DMD: variants seen among roughly 807,000 people sequenced by gnomAD.
The protein encoded by DMD is mutant dystrophin.
DMD carries 63 observed loss-of-function variants against 330.1 expected under a neutral mutation model. The ratio of observed to expected loss-of-function variants is 0.19; its 90% CI spans 0.16 to 0.24. The LOEUF is 0.24. Ranked by LOEUF, DMD falls within the 10% of genes least tolerant of loss-of-function variation. DMD has a pLI of 1.00. For synonymous variants in DMD, 1,223 were observed against 959.8 expected, an observed-to-expected ratio of 1.27 and a Z score of -5.07; for missense variants, 3,344 against 2,684.1, an observed-to-expected ratio of 1.25 and a Z score of -5.43.
chrX:32,530,971 TG>T (rs1353320048), intron 17 of DMD, among the ~76,000 whole-genome samples: 19 of 111,853 alleles, frequency 1.7e-4, no homozygotes, highest in Non-Finnish European at 3.4e-4. Flanking sequence ...AAGCTGCCTA[TG>T]TCCTTATGAT....
chrX:32,401,400 C>T (rs1306739809), intron 30 of DMD, among the ~76,000 whole-genome samples: 1 of 112,021 alleles, frequency 8.9e-6, no homozygotes, highest in Non-Finnish European at 1.9e-5. Context: ...GAATGACGTC[C>T]TGTCATTTGC....
At chrX:33,099,879 G>GATTTGTCAT (rs914510637) in intron 1 of DMD, among the ~76,000 whole-genome samples, 1 of 111,150 alleles carries the variant, frequency 9.0e-6, no homozygotes, top group Non-Finnish European at 1.9e-5. Flanking sequence ...CACACCTATT[G>GATTTGTCAT]ATTTGTCATA....
intron 2 of DMD, among the ~76,000 whole-genome samples, chrX:32,895,872 T>TGTGTGTGTA (rs1359656451): frequency 8.2e-5 from 8 of 97,384 alleles, no homozygotes; most frequent in African/African-American, 3.0e-4. Flanking sequence ...TGTGTGTGTG[T>TGTGTGTGTA]GTGTAGTGTA....
intron 2 of DMD, among the ~76,000 whole-genome samples, chrX:33,006,244 GT>G: frequency 9.0e-6 from 1 of 111,153 alleles, no homozygotes; most frequent in Admixed American, 9.6e-5. Flanking sequence ...TAGACAAACC[GT>G]TTCTAAAGTT....
At chrX:32,097,953 C>T (rs1415084767) in intron 44 of DMD, among the ~76,000 whole-genome samples, 2 of 111,135 alleles carry the variant, frequency 1.8e-5, no homozygotes. Flanking sequence ...AGGCTTTGCA[C>T]ATCTTCTTTA....
At chrX:32,973,364 T>G (rs182790343) in intron 2 of DMD, among the ~76,000 whole-genome samples, 26 of 112,481 alleles carry the variant, frequency 2.3e-4, no homozygotes, top group Non-Finnish European at 3.9e-4. Context: ...GTAGGGTCTA[T>G]GTCCTTTCCT....
chrX:32,618,668 T>C (rs1297448411), intron 11 of DMD, among the ~76,000 whole-genome samples: 1 of 111,328 alleles, frequency 9.0e-6, no homozygotes, highest in Non-Finnish European at 1.9e-5. Flanking sequence ...AAAGTTAAAA[T>C]ATAATAGTAA....
rs2041904329 is a variant in DMD at position 31,187,716 on chromosome X, T to TGA, written c.9808-4813_9808-4812insTC. Among the ~76,000 whole-genome samples the TGA allele has an allele frequency of 4.7e-4, 36 of 76,625 alleles. 2 individuals carry two copies. Among genetic ancestry groups the TGA allele is most frequent in the Admixed American group, 3.9e-3 (22 of 5,670 alleles). The allele number at this position is 76,625 out of a possible 115,157, so 66.5% of individuals were successfully genotyped here. ...TCAGCTCTGGAATCTTCCCAGATTC[T>TGA]CAGAGAGAGAGAGAGAGAGAGAGAG... On this transcript the variant is annotated intron_variant, in intron 67 of 78. Transcript: ENST00000357033.
At chrX:32,117,829 A>G (rs192638288) in intron 44 of DMD, among the ~76,000 whole-genome samples, 2 of 111,538 alleles carry the variant, frequency 1.8e-5, no homozygotes, top group Admixed American at 1.9e-4. Context: ...GATCTTCTAT[A>G]TGGACCTAGA....
At chrX:31,856,606 TAATAA>T (rs756375835) in intron 48 of DMD, among the ~76,000 whole-genome samples, 1 of 112,409 alleles carries the variant, frequency 8.9e-6, no homozygotes, top group South Asian at 3.6e-4. Flanking sequence ...ATACTAAAGA[TAATAA>T]AATAACAATA....
chrX:31,612,956 G>C (rs2078006049), intron 55 of DMD, among the ~76,000 whole-genome samples: 1 of 111,974 alleles, frequency 8.9e-6, no homozygotes, highest in Non-Finnish European at 1.9e-5. Flanking sequence ...TGTACACTTA[G>C]AGGCAAGGCC....
upstream of DMD, among the ~76,000 whole-genome samples, chrX:33,212,959 G>A (rs1358339579): frequency 9.0e-6 from 1 of 111,351 alleles, no homozygotes. Flanking sequence ...CAGAGTATAA[G>A]TGCCCTTTGT....
intron 62 of DMD, chrX:31,261,885 G>A (rs2050559233): frequency 8.9e-6 from 1 of 112,280 alleles, no homozygotes; most frequent in African/African-American, 3.2e-5. Context: ...GACAGGCTTT[G>A]ATACAGTAAA....
intron 1 of DMD, among the ~76,000 whole-genome samples, chrX:33,219,485 C>T (rs1388840740): frequency 3.1e-4 from 33 of 106,464 alleles, no homozygotes; most frequent in African/African-American, 1.1e-3. Context: ...AAAAAAAGAG[C>T]TTTAACTCAC....
In DMD at chrX:32,969,427, G is replaced by A. The variant is rs185345509; in HGVS notation, c.93+50712C>T. Among the ~76,000 whole-genome samples, 246 of 92,254 alleles carry A rather than the reference G, an allele frequency of 2.7e-3. 61 individuals are homozygous for A. Among genetic ancestry groups the A allele is most frequent in the African/African-American group, 0.012 (239 of 20,109 alleles). The allele number at this position is 92,254 out of a possible 115,157, so 80.1% of individuals were successfully genotyped here. A position where few individuals can be genotyped will look rare whatever the true frequency, so the allele number is the denominator to read the frequency against. ...AAAACATGTATGTACCACATACATA[G>A]ATAAAATATGCTACCACATACATAG... On this transcript the variant is annotated intron_variant, in intron 2 of 78. Transcript: ENST00000357033.
chrX:31,882,275 G>A (rs184649342), intron 47 of DMD, among the ~76,000 whole-genome samples: 1 of 111,678 alleles, frequency 9.0e-6, no homozygotes, highest in East Asian at 2.8e-4. Flanking sequence ...TAATTTATAC[G>A]ATGGTGTCAC....
chrX:33,039,089 C>CG (rs2094253895), intron 1 of DMD, among the ~76,000 whole-genome samples: 1 of 111,805 alleles, frequency 8.9e-6, no homozygotes, highest in East Asian at 2.8e-4. Flanking sequence ...GATTGACACC[C>CG]GTAGCCTATG....
At chrX:33,241,715 C>T (rs5972788) in intron 1 of DMD, among the ~76,000 whole-genome samples, 17,982 of 111,133 alleles carry the variant, frequency 0.16, 2,182 homozygotes, top group African/African-American at 0.43. Flanking sequence ...CAATGTCTTA[C>T]AGTTTCCAGG....
At chrX:31,978,040 G>C (rs1428362949) in intron 44 of DMD, among the ~76,000 whole-genome samples, 1 of 111,473 alleles carries the variant, frequency 9.0e-6, no homozygotes. Flanking sequence ...AATTTAGCTT[G>C]TATGAAGGAA....
Sources: allele counts gnomAD v4.1 joint callset (sites outside exome capture counted in the v4.1 genomes callset), GRCh38; gene constraint gnomAD v4.1.1; transcripts MANE v1.5; gene names NCBI Gene and HGNC (gene_info 2026-07-23, HGNC 2026-07-21).